The following CFAP70 variants were observed in gnomAD, a reference collection of about 807,000 sequenced individuals.
The protein encoded by CFAP70 is cilia- and flagella-associated protein 70.
A neutral mutation model predicts 137.6 loss-of-function variants in CFAP70; 81 were observed. The observed-to-expected ratio is 0.59, with a 90% CI of 0.49 to 0.71. The LOEUF is 0.71. Among genes scored for constraint, CFAP70 ranks in the 30% least tolerant of loss-of-function variants. The pLI is 0.00. For synonymous variants in CFAP70, 382 were observed against 423.6 expected, an observed-to-expected ratio of 0.90 and a Z score of 1.20; for missense variants, 976 against 1,226.7, an observed-to-expected ratio of 0.80 and a Z score of 3.05.
chr10:73,254,131 T>G, intron 26 of CFAP70, 76 bp from the exon 28 acceptor site: 1 of 1,169,948 alleles, frequency 8.5e-7, no homozygotes, highest in Admixed American at 2.0e-5. Flanking sequence ...GACCCCTCTT[T>G]TGTGGGGCTA....
intron 15 of CFAP70, 167 bp from the exon 17 acceptor site, chr10:73,293,555 G>A: frequency 2.0e-6 from 1 of 509,506 alleles, no homozygotes; most frequent in Non-Finnish European, 3.3e-6. Context: ...GAGTGAACCA[G>A]GAGAGAAATG....
upstream of CFAP70, among the ~76,000 whole-genome samples, chr10:73,362,232 C>A (rs1331236400): frequency 1.3e-5 from 2 of 152,032 alleles, no homozygotes; most frequent in African/African-American, 4.8e-5. Flanking sequence ...TGGACCCTTA[C>A]CTCACACCAT....
Position 73,299,666 on chromosome 10 carries a change from C to G in CFAP70, c.1257-1G>C, listed in dbSNP as rs201793355. On this transcript the variant is annotated splice_acceptor_variant, in intron 12 of 26. Coordinates refer to ENST00000310715, the Ensembl canonical transcript of CFAP70. LOFTEE classifies it high-confidence loss of function. ...CCTTGGAGGAATCATTTCCTTGACCCTGTATCAGGAAAGAAAAAAAATAAA... is the reference window on the plus strand; with the variant it reads ...CCTTGGAGGAATCATTTCCTTGACCGTGTATCAGGAAAGAAAAAAAATAAA... 21 of 1,608,632 alleles carry G rather than the reference C, an allele frequency of 1.3e-5. No individual in the cohort carries two copies. The highest frequency in any genetic ancestry group is 1.4e-5 in the Non-Finnish European group (17 of 1,177,920).
chr10:73,293,539 G>T, intron 15 of CFAP70, 151 bp from the exon 17 acceptor site: 5 of 573,448 alleles, frequency 8.7e-6, no homozygotes, highest in South Asian at 3.1e-5. Context: ...AAAAGTAAAA[G>T]AATAAGAGTG....
intron 7 of CFAP70, among the ~76,000 whole-genome samples, chr10:73,333,858 TG>T (rs1226311654): frequency 6.6e-6 from 1 of 150,962 alleles, no homozygotes; most frequent in Non-Finnish European, 1.5e-5. Flanking sequence ...AATTTGTTAA[TG>T]TTTTTTATTC....
intron 25 of CFAP70, among the ~76,000 whole-genome samples, chr10:73,257,749 A>C (rs1357840422): frequency 6.6e-6 from 1 of 152,178 alleles, no homozygotes; most frequent in Non-Finnish European, 1.5e-5. Flanking sequence ...TGCCACAGGG[A>C]GGCAGAGGCC....
chr10:73,355,814 TAATAGA>T (rs756488821), intron 1 of CFAP70, among the ~76,000 whole-genome samples: 3 of 152,162 alleles, frequency 2.0e-5, no homozygotes, highest in African/African-American at 7.2e-5. Flanking sequence ...CGTGTAATAC[TAATAGA>T]AATAAAGTGC....
intron 26 of CFAP70, among the ~76,000 whole-genome samples, chr10:73,255,159 G>A (rs1249809309): frequency 2.6e-5 from 4 of 152,184 alleles, no homozygotes; most frequent in Non-Finnish European, 5.9e-5. Flanking sequence ...AGTACTTTGG[G>A]AGGCCGAGGC....
chr10:73,259,044 G>A (rs1360047802), intron 25 of CFAP70, among the ~76,000 whole-genome samples: 1 of 151,996 alleles, frequency 6.6e-6, no homozygotes, highest in Non-Finnish European at 1.5e-5. Context: ...TGTGATCTCT[G>A]TGACCCACAC....
At chr10:73,297,200 G>A (rs992699735) in intron 14 of CFAP70, 27 bp from the exon 16 acceptor site, 2 of 1,605,226 alleles carry the variant, frequency 1.2e-6, no homozygotes, top group South Asian at 1.1e-5. Flanking sequence ...TCACCCATCT[G>A]ATAATACAGT....
At chr10:73,286,633 T>C (rs2047736447) in intron 19 of CFAP70, among the ~76,000 whole-genome samples, 1 of 152,104 alleles carries the variant, frequency 6.6e-6, no homozygotes, top group South Asian at 2.1e-4. Flanking sequence ...ACAAACTTTA[T>C]AGTTGCCAAG....
chr10:73,309,016 T>A (rs1564819400), intron 12 of CFAP70, among the ~76,000 whole-genome samples: 1 of 151,856 alleles, frequency 6.6e-6, no homozygotes, highest in African/African-American at 2.4e-5. Flanking sequence ...GCAGAAGACA[T>A]AATAAAAGAA....
intron 25 of CFAP70, among the ~76,000 whole-genome samples, chr10:73,260,271 TGAGCCCAG>T (rs2045021112): frequency 6.6e-6 from 1 of 151,656 alleles, no homozygotes. Flanking sequence ...GAGGATCCCT[TGAGCCCAG>T]GATCGTCCCA....
intron 14 of CFAP70, among the ~76,000 whole-genome samples, chr10:73,298,130 T>C (rs190814135): frequency 4.7e-4 from 72 of 151,958 alleles, no homozygotes; most frequent in African/African-American, 1.7e-3. Context: ...ACTGCCTGAA[T>C]TTAAATCCCA....
intron 7 of CFAP70, among the ~76,000 whole-genome samples, chr10:73,333,255 A>G (rs945299236): frequency 5.9e-5 from 9 of 152,178 alleles, no homozygotes; most frequent in Non-Finnish European, 1.2e-4. Context: ...ACAAAAAATC[A>G]TAACAGAATA....
intron 8 of CFAP70, among the ~76,000 whole-genome samples, chr10:73,324,894 C>A (rs1383211655): frequency 6.6e-6 from 1 of 152,162 alleles, no homozygotes; most frequent in African/African-American, 2.4e-5. Flanking sequence ...AGAATGGAAC[C>A]AAGTTGGAAA....
chr10:73,331,557 T>C (rs905332298), intron 7 of CFAP70, among the ~76,000 whole-genome samples: 1 of 152,122 alleles, frequency 6.6e-6, no homozygotes, highest in Non-Finnish European at 1.5e-5. Flanking sequence ...AGTGAATACC[T>C]GTGGTCCCAG....
At chr10:73,287,250 A>G (rs2047794210) in intron 19 of CFAP70, among the ~76,000 whole-genome samples, 1 of 152,256 alleles carries the variant, frequency 6.6e-6, no homozygotes, top group Non-Finnish European at 1.5e-5. Context: ...TATTGCTCCT[A>G]CACTACAAAT....
At chr10:73,299,234 C>CCTTGTCTCTA in intron 13 of CFAP70, 133 bp from the exon 15 acceptor site, 1 of 702,892 alleles carries the variant, frequency 1.4e-6, no homozygotes, top group Non-Finnish European at 2.3e-6. Context: ...GTTTTAGAGA[C>CCTTGTCTCTA]AAGGTCTCTC....
Sources: allele counts gnomAD v4.1 joint callset (sites outside exome capture counted in the v4.1 genomes callset), GRCh38; gene constraint gnomAD v4.1.1; transcripts MANE v1.5; gene names NCBI Gene and HGNC (gene_info 2026-07-23, HGNC 2026-07-21).